FSD2: variants seen among roughly 807,000 people sequenced by gnomAD.
The protein encoded by FSD2 is fibronectin type III and SPRY domain-containing protein 2.
A neutral mutation model predicts 80.4 loss-of-function variants in FSD2; 71 were observed. The ratio of observed to expected loss-of-function variants is 0.88; its 90% CI spans 0.73 to 1.08. FSD2 has a LOEUF of 1.08. Among genes scored for constraint, FSD2 ranks in the 50% least tolerant of loss-of-function variants. The probability of loss-of-function intolerance (pLI) is 0.00; values close to 1 mark genes in which losing one functional copy is unlikely to be tolerated. For synonymous variants in FSD2, 361 were observed against 329.5 expected, an observed-to-expected ratio of 1.10 and a Z score of -1.03; for missense variants, 923 against 913.8, an observed-to-expected ratio of 1.01 and a Z score of -0.13.
rs188451458 is a variant in FSD2 at position 82,773,701 on chromosome 15, C to A, written c.1112-1473G>T. Among the ~76,000 whole-genome samples the A allele has an allele frequency of 1.8e-4, 27 of 152,182 alleles. No homozygotes were observed. In the East Asian group the frequency reaches 4.6e-3, roughly 26 times the overall value. ...TTGACCCAGTGATTCTAAGAATGGT[C>A]CCCAAGATCTATGATTAAAGATTTG... On this transcript the variant is annotated intron_variant, in intron 6 of 12. Transcript: ENST00000334574.
chr15:82,759,646 TTGAC>T (rs759029948), intron 12 of FSD2, 46 bp from the exon 13 acceptor site: 3 of 1,432,722 alleles, frequency 2.1e-6, no homozygotes, highest in African/African-American at 1.4e-5. Context: ...ATTCTATAGA[TTGAC>T]TATTTATAGA....
chr15:82,770,371 G>C (rs2049535928), intron 7 of FSD2, among the ~76,000 whole-genome samples: 1 of 152,196 alleles, frequency 6.6e-6, no homozygotes, highest in Admixed American at 6.5e-5. Flanking sequence ...CCAGCCCACA[G>C]AATTACAAGA....
In FSD2 at chr15:82,772,247, AAAG is replaced by A. The variant is rs765016030; in HGVS notation, c.1112-22_1112-20del. The stretch of plus-strand genomic sequence containing the variant: ...GAAGGAGCTAGGAAAAGAAAAGAAA[AAAG>A]AAGAGGAACCTCTAATAGAGGTGTG... On this transcript the variant is annotated intron_variant, in intron 6 of 12. Coordinates refer to ENST00000334574, the MANE Select transcript of FSD2 (RefSeq NM_001007122.4). 2.5e-5 allele frequency: 40 copies of A among 1,594,648 alleles called. No individual in the cohort carries two copies. The highest frequency in any genetic ancestry group is 8.0e-5 in the African/African-American group (6 of 74,640).
chr15:82,777,043 A>G (rs1299754964), intron 6 of FSD2, among the ~76,000 whole-genome samples: 2 of 152,214 alleles, frequency 1.3e-5, no homozygotes, highest in Admixed American at 6.5e-5. Context: ...TTTGATCCCT[A>G]TCTTACACCA....
rs2049601667 is a variant in FSD2, at chr15:82,772,305, T to C, written c.1112-77A>G. 7.1e-6 allele frequency: 10 copies of C among 1,415,316 alleles called. No individual in the cohort carries two copies. The East Asian group carries it at 9.9e-5, about 14-fold the overall frequency. The allele number at this position is 1,415,316 out of a possible 1,614,324, so 87.7% of individuals were successfully genotyped here. On this transcript the variant is annotated intron_variant, in intron 6 of 12. Transcript: ENST00000334574. ...GACAGTGGCCCCTTTCCCATGACCA[T>C]TGATCCCCCCAATGAATCCACAGCC... is the stretch of plus-strand genomic sequence containing the variant.
intron 6 of FSD2, among the ~76,000 whole-genome samples, chr15:82,775,011 C>T (rs1056472336): frequency 7.9e-5 from 12 of 151,658 alleles, no homozygotes; most frequent in African/African-American, 1.9e-4. Flanking sequence ...TGAGCCACCG[C>T]GCCTGGCCTT....
intron 1 of FSD2, among the ~76,000 whole-genome samples, chr15:82,794,787 C>T (rs929652089): frequency 2.7e-4 from 41 of 150,254 alleles, no homozygotes; most frequent in Admixed American, 1.7e-3. Context: ...TTCAGCGGCG[C>T]GATCTCGGCT....
intron 7 of FSD2, 82 bp from the exon 8 acceptor site, chr15:82,769,966 A>G (rs1348322691): frequency 9.7e-6 from 15 of 1,539,414 alleles, no homozygotes; most frequent in Non-Finnish European, 1.2e-5. Context: ...CCACAGTAGT[A>G]GATTACAAAA....
chr15:82,769,229 G>A (rs542201652), intron 8 of FSD2, among the ~76,000 whole-genome samples, 199 bp from the exon 9 acceptor site: 48 of 152,276 alleles, frequency 3.2e-4, no homozygotes, highest in Non-Finnish European at 5.9e-4. Context: ...CAGTGTGACC[G>A]AGAGTAGCAG....
chr15:82,796,000 CTTTTTTTT>C (rs143711664), intron 1 of FSD2, among the ~76,000 whole-genome samples: 7 of 117,500 alleles, frequency 6.0e-5, no homozygotes, highest in Non-Finnish European at 1.2e-4. Flanking sequence ...TTTTTCTTTT[CTTTTTTTT>C]TTTTTTTTTT....
Position 82,768,960 on chromosome 15 carries a change from C to G in FSD2, c.1473G>C (p.Glu491Asp). The change falls in exon 9 of 13, where the codon GAG becomes GAC. Residue 491 changes from glutamate (E) to aspartate (D), a missense_variant. Transcript: ENST00000334574. ...AGTCCACAGGATTCAGGTTCCCAGA[C>G]TCCCAGCAAATCAGCACAGCCTCTT... is the stretch of plus-strand genomic sequence containing the variant. ...SCEEAVLICW[E>D]SGNLNPVDSY... is the part of the protein sequence containing the mutation. The G allele has an allele frequency of 6.2e-7, 1 of 1,608,198 alleles. No individual in the cohort carries two copies. Among genetic ancestry groups the G allele is most frequent in the Non-Finnish European group, 8.5e-7 (1 of 1,177,432 alleles).
chr15:82,762,601 G>C (rs564318623), intron 11 of FSD2, among the ~76,000 whole-genome samples: 1 of 152,242 alleles, frequency 6.6e-6, no homozygotes, highest in Non-Finnish European at 1.5e-5. Flanking sequence ...GAAAAGGGTT[G>C]AAAATACACA....
intron 7 of FSD2, among the ~76,000 whole-genome samples, chr15:82,770,176 C>CT (rs2049531470): frequency 6.6e-6 from 1 of 152,236 alleles, no homozygotes; most frequent in Non-Finnish European, 1.5e-5. Flanking sequence ...AGCCCTCTTG[C>CT]TGCTGGGGAT....
chr15:82,805,711 A>G (rs1228679567), intron 1 of FSD2, among the ~76,000 whole-genome samples: 1 of 152,234 alleles, frequency 6.6e-6, no homozygotes, highest in Non-Finnish European at 1.5e-5. Flanking sequence ...CTAAAGACAC[A>G]TTATAAGAAT....
chr15:82,798,274 G>C (rs1160525488), intron 1 of FSD2, among the ~76,000 whole-genome samples: 3 of 152,156 alleles, frequency 2.0e-5, no homozygotes, highest in Non-Finnish European at 4.4e-5. Context: ...TAGCTTGGAA[G>C]ATTGAGGCTG....
chr15:82,755,510 T>A lies in FSD2; in HGVS notation c.*3838A>T, dbSNP rs1182100474. ...GTGAAAATAGAGCTAAAAACCATGA[T>A]TCTGTCACAGTCTGGGAAAATGAAA... On this transcript the variant is annotated 3_prime_UTR_variant, in exon 13 of 13. Coordinates refer to ENST00000334574, the MANE Select transcript of FSD2 (RefSeq NM_001007122.4). The A allele has an allele frequency of 2.0e-5, 3 of 152,170 alleles. No homozygotes were observed. The highest frequency in any genetic ancestry group is 7.2e-5 in the African/African-American group (3 of 41,434). The allele number at this position is 152,170 out of a possible 1,614,324, so 9.4% of individuals were successfully genotyped here.
At chr15:82,779,864 A>T (rs2049810862) in intron 5 of FSD2, among the ~76,000 whole-genome samples, 1 of 152,116 alleles carries the variant, frequency 6.6e-6, no homozygotes, top group Admixed American at 6.6e-5. Flanking sequence ...GCAGGATTTG[A>T]ACTGCTATCT....
chr15:82,792,906 G>C (rs1415707072), intron 1 of FSD2, among the ~76,000 whole-genome samples: 3 of 151,976 alleles, frequency 2.0e-5, no homozygotes, highest in African/African-American at 7.3e-5. Context: ...TTTTTTTCTT[G>C]TGATATCTTT....
rs764833198 is a variant in FSD2 at position 82,769,861 on chromosome 15, T to C, written c.1291A>G (p.Thr431Ala). ...ACAAGGTTTGTCACTGAGCAATATG[T>C]TTCTTTGACAGTCACTGTAAACTCT... ...QAEFTVTVKE[T>A]YCSVTNLVPN... Residue 431 changes from threonine to alanine, a missense_variant, in exon 8 of 13, where the codon ACA (threonine) becomes GCA (alanine). Physicochemically the swap from Thr to Ala is moderately conservative, Grantham distance 58. Transcript: ENST00000334574. 11 of 1,613,810 alleles carry C rather than the reference T, an allele frequency of 6.8e-6. No homozygotes were observed. Among genetic ancestry groups the C allele is most frequent in the Middle Eastern group, 3.3e-4 (2 of 6,082 alleles).
Sources: allele counts gnomAD v4.1 joint callset (sites outside exome capture counted in the v4.1 genomes callset), GRCh38; gene constraint gnomAD v4.1.1; transcripts MANE v1.5; gene names NCBI Gene and HGNC (gene_info 2026-07-23, HGNC 2026-07-21).